Variants in IL1RAPL2 observed in about 807,000 individuals in gnomAD.
IL1RAPL2 encodes X-linked interleukin-1 receptor accessory protein-like 2.
Under a neutral mutation model 44.1 loss-of-function variants are expected in IL1RAPL2, and 3 were observed. That is an observed-to-expected ratio of 0.07 (90% confidence interval 0.03 to 0.18). The LOEUF is 0.18. Among genes scored for constraint, IL1RAPL2 ranks in the 10% least tolerant of loss-of-function variants. IL1RAPL2 has a pLI of 1.00. For missense variants in IL1RAPL2, 391 were observed against 496.4 expected (o/e 0.79, Z 2.02); for synonymous variants, 181 against 178.8 (o/e 1.01, Z -0.10).
chrX:105,115,963 C>T (rs1369308483), intron 2 of IL1RAPL2, among the ~76,000 whole-genome samples: 1 of 113,339 alleles, frequency 8.8e-6, no homozygotes, highest in Non-Finnish European at 1.9e-5. Flanking sequence ...GTGCTAAGCC[C>T]CTCACTGCCT....
chrX:104,852,866 G>A (rs745958968), intron 2 of IL1RAPL2, among the ~76,000 whole-genome samples: 1 of 111,720 alleles, frequency 9.0e-6, no homozygotes, highest in African/African-American at 3.3e-5. Context: ...ACTTATGAAG[G>A]TGAGGCAGCT....
intron 6 of IL1RAPL2, among the ~76,000 whole-genome samples, chrX:105,669,149 T>C (rs2037795559): frequency 8.9e-6 from 1 of 111,799 alleles, no homozygotes; most frequent in Admixed American, 9.5e-5. Flanking sequence ...TAAATAAAAA[T>C]AAGATTACTT....
In IL1RAPL2 at chrX:104,804,572, A is replaced by G. The variant is rs774761063; in HGVS notation, c.82+145577A>G. ...ATGTGGGACATCTGATAACGTTAGT[A>G]TACCACAATAGTCTTTATTGTTGTG... On this transcript the variant is annotated intron_variant, in intron 2 of 10. Coordinates refer to ENST00000372582, the MANE Select transcript of IL1RAPL2 (RefSeq NM_017416.2). 6 of 112,330 alleles carry G rather than the reference A, an allele frequency of 5.3e-5. No homozygotes were observed. In the South Asian group the frequency reaches 1.1e-3, roughly 21 times the overall value. 9.3% of individuals were successfully genotyped at this position (112,330 alleles called of 1,213,427 possible).
chrX:104,836,057 C>T (rs1330549593), intron 2 of IL1RAPL2, among the ~76,000 whole-genome samples: 1 of 111,922 alleles, frequency 8.9e-6, no homozygotes, highest in African/African-American at 3.2e-5. Context: ...TCTACATGTG[C>T]ACAATGGAGT....
chrX:104,679,365 C>T (rs1356710616), intron 2 of IL1RAPL2, among the ~76,000 whole-genome samples: 1 of 111,709 alleles, frequency 9.0e-6, no homozygotes, highest in Non-Finnish European at 1.9e-5. Context: ...TTTGTTTTTG[C>T]AGTTGTTTTT....
intron 2 of IL1RAPL2, among the ~76,000 whole-genome samples, chrX:104,892,646 T>C (rs898072644): frequency 1.1e-4 from 12 of 112,021 alleles, no homozygotes; most frequent in Middle Eastern, 4.6e-3. Flanking sequence ...ATATCCCCTT[T>C]ATCATTTTTT....
At chrX:104,955,776 A>T (rs1234058496) in intron 2 of IL1RAPL2, among the ~76,000 whole-genome samples, 2 of 110,932 alleles carry the variant, frequency 1.8e-5, no homozygotes, top group African/African-American at 6.5e-5. Flanking sequence ...AAAGAGTTAA[A>T]CTTGGATTCA....
chrX:105,001,612 C>T (rs746332587), intron 2 of IL1RAPL2, among the ~76,000 whole-genome samples: 3 of 111,376 alleles, frequency 2.7e-5, no homozygotes, highest in Non-Finnish European at 5.7e-5. Flanking sequence ...AGTTAAAGCT[C>T]AAATCAAACA....
At chrX:104,619,981 C>A (rs938936370) in intron 1 of IL1RAPL2, among the ~76,000 whole-genome samples, 1 of 110,838 alleles carries the variant, frequency 9.0e-6, no homozygotes, top group Admixed American at 9.6e-5. Flanking sequence ...GAAGTACTAG[C>A]ATTCTAGGGA....
chrX:105,386,765 A>G (rs936292836), intron 5 of IL1RAPL2, among the ~76,000 whole-genome samples: 1 of 111,597 alleles, frequency 9.0e-6, no homozygotes, highest in African/African-American at 3.3e-5. Context: ...AAATTTGTAC[A>G]TTTTCCTAGC....
intron 2 of IL1RAPL2, among the ~76,000 whole-genome samples, chrX:105,029,134 T>G: frequency 9.1e-6 from 1 of 109,564 alleles, no homozygotes; most frequent in Middle Eastern, 4.7e-3. Flanking sequence ...TTCCTTGTTT[T>G]CTCATATCTC....
At chrX:105,353,074 T>G (rs1265103959) in intron 5 of IL1RAPL2, among the ~76,000 whole-genome samples, 2 of 111,518 alleles carry the variant, frequency 1.8e-5, no homozygotes, top group African/African-American at 6.5e-5. Context: ...GGTCTAACAT[T>G]TAAGTCTTTA....
At chrX:104,751,556 T>C (rs1358615223) in intron 2 of IL1RAPL2, among the ~76,000 whole-genome samples, 2 of 111,050 alleles carry the variant, frequency 1.8e-5, no homozygotes, top group Non-Finnish European at 3.8e-5. Context: ...TTGTTTTTGC[T>C]CTGTTCTATG....
intron 6 of IL1RAPL2, among the ~76,000 whole-genome samples, chrX:105,688,400 A>G (rs1368481803): frequency 8.9e-6 from 1 of 111,817 alleles, no homozygotes; most frequent in Non-Finnish European, 1.9e-5. Context: ...CAATGTGCAA[A>G]AATCACAAGC....
At chrX:105,702,435 C>A (rs766530501) in intron 6 of IL1RAPL2, among the ~76,000 whole-genome samples, 1 of 110,724 alleles carries the variant, frequency 9.0e-6, no homozygotes, top group African/African-American at 3.3e-5. Context: ...AGTATGGTCA[C>A]GGGCATTGCT....
chrX:105,185,662 T>C (rs2033578195), intron 2 of IL1RAPL2, among the ~76,000 whole-genome samples: 1 of 112,159 alleles, frequency 8.9e-6, no homozygotes, highest in African/African-American at 3.2e-5. Context: ...TTTCAGTACC[T>C]TGGCATTTGG....
intron 2 of IL1RAPL2, among the ~76,000 whole-genome samples, chrX:104,805,731 C>T (rs1932918059): frequency 1.8e-5 from 2 of 112,192 alleles, no homozygotes; most frequent in Admixed American, 1.9e-4. Flanking sequence ...TTAACATTTA[C>T]TGCATACTTA....
At chrX:105,601,115 T>G (rs1171360714) in intron 6 of IL1RAPL2, among the ~76,000 whole-genome samples, 1 of 111,714 alleles carries the variant, frequency 9.0e-6, no homozygotes, top group Admixed American at 9.5e-5. Flanking sequence ...TTTTGTTTTT[T>G]TTAAATTGAA....
chrX:105,477,805 G>T (rs1373864931), intron 5 of IL1RAPL2, among the ~76,000 whole-genome samples: 1 of 111,787 alleles, frequency 8.9e-6, no homozygotes, highest in Admixed American at 9.5e-5. Context: ...GAGCCATAAG[G>T]CTGCTATTGC....
Sources: allele counts gnomAD v4.1 joint callset (sites outside exome capture counted in the v4.1 genomes callset), GRCh38; gene constraint gnomAD v4.1.1; transcripts MANE v1.5; gene names NCBI Gene and HGNC (gene_info 2026-07-23, HGNC 2026-07-21).